Variants in LRRC4C observed in about 807,000 individuals in gnomAD.
LRRC4C encodes the protein leucine rich repeat containing 4C, also known as leucine-rich repeat-containing protein 4C.
In LRRC4C, 5 loss-of-function variants were observed where a neutral mutation model predicts 33.6. The observed-to-expected ratio is 0.15, with a 90% confidence interval of 0.08 to 0.31. The LOEUF is 0.31. LRRC4C is among the 10% of genes least tolerant of loss of function. LRRC4C has a pLI of 1.00. For synonymous variants in LRRC4C, 329 were observed against 302.0 expected, an observed-to-expected ratio of 1.09 and a Z score of -0.93; for missense variants, 560 against 796.7, an observed-to-expected ratio of 0.70 and a Z score of 3.58.
chr11:40,998,769 T>C (rs1241640177), intron 1 of LRRC4C, among the ~76,000 whole-genome samples: 1 of 152,112 alleles, frequency 6.6e-6, no homozygotes, highest in Non-Finnish European at 1.5e-5. Flanking sequence ...AGGATTTCAG[T>C]AACAAAGGAT....
chr11:40,872,219 G>A (rs1954685158), intron 2 of LRRC4C, among the ~76,000 whole-genome samples: 1 of 151,930 alleles, frequency 6.6e-6, no homozygotes, highest in African/African-American at 2.4e-5. Flanking sequence ...TTCCTGTTAG[G>A]GCAAGCCTGC....
At chr11:40,591,029 T>C (rs1240394853) in intron 3 of LRRC4C, among the ~76,000 whole-genome samples, 1 of 152,156 alleles carries the variant, frequency 6.6e-6, no homozygotes, top group African/African-American at 2.4e-5. Context: ...CCTGGCTGCT[T>C]TGTTTACCTA....
intron 5 of LRRC4C, among the ~76,000 whole-genome samples, chr11:40,231,345 T>C (rs1347594531): frequency 6.6e-6 from 1 of 152,218 alleles, no homozygotes; most frequent in African/African-American, 2.4e-5. Context: ...ATATGTCATT[T>C]TGAATATCAC....
At position 41,032,726 on chromosome 11, in the gene LRRC4C, G is replaced by GA. The variant is rs397966264; in HGVS notation, c.-495-99004dup. Among the ~76,000 whole-genome samples, 366 of 150,746 alleles carry GA rather than the reference G, an allele frequency of 2.4e-3. 2 individuals are homozygous for GA. The highest frequency in any genetic ancestry group is 8.4e-3 in the African/African-American group (346 of 41,156). Reference sequence around the variant, plus strand: ...ATCATTTAGTAACTGAAAAAAGGGGGAAAAAAAACACAAGCAGTAATACAT... The same window carrying GA: ...ATCATTTAGTAACTGAAAAAAGGGGGAAAAAAAAACACAAGCAGTAATACAT... On this transcript the variant is annotated intron_variant, in intron 1 of 6. Coordinates refer to ENST00000528697, the MANE Select transcript of LRRC4C (RefSeq NM_001258419.2).
rs149062075 is a variant in LRRC4C at position 41,025,289 on chromosome 11, G to A, written c.-495-91566C>T. 2.4e-3 allele frequency among the ~76,000 whole-genome samples: 368 copies of A among 151,684 alleles called. 2 individuals carry two copies. The highest frequency in any genetic ancestry group is 8.4e-3 in the African/African-American group (350 of 41,482). ...AGATATGTTAAAAGCTAGGCCTCTT[G>A]TGCCAAACAATTAGCCAAGTTGTGA... is the stretch of plus-strand genomic sequence containing the variant. On this transcript the variant is annotated intron_variant, in intron 1 of 6. Transcript: ENST00000528697.
intron 2 of LRRC4C, among the ~76,000 whole-genome samples, chr11:40,829,206 C>T (rs1157009341): frequency 6.6e-6 from 1 of 151,840 alleles, no homozygotes; most frequent in Middle Eastern, 3.2e-3. Context: ...ATAAAGAGTA[C>T]AAATTTAGGC....
intron 4 of LRRC4C, among the ~76,000 whole-genome samples, chr11:40,250,009 CT>C (rs1482717575): frequency 6.6e-6 from 1 of 152,192 alleles, no homozygotes; most frequent in East Asian, 1.9e-4. Context: ...ATGTTTGCAA[CT>C]TCTGCTTCTT....
intron 1 of LRRC4C, among the ~76,000 whole-genome samples, chr11:41,085,021 A>G (rs1453730765): frequency 6.6e-6 from 1 of 152,128 alleles, no homozygotes; most frequent in African/African-American, 2.4e-5. Flanking sequence ...AACTCCCAAT[A>G]TTAGCCAAGA....
At chr11:40,838,683 C>A (rs77408115) in intron 2 of LRRC4C, among the ~76,000 whole-genome samples, 6 of 151,716 alleles carry the variant, frequency 4.0e-5, no homozygotes, top group Non-Finnish European at 8.8e-5. Context: ...TAGTAACTGA[C>A]CCAAACACCC....
At chr11:40,437,486 C>T (rs77471349) in intron 3 of LRRC4C, among the ~76,000 whole-genome samples, 2 of 151,812 alleles carry the variant, frequency 1.3e-5, no homozygotes, top group East Asian at 1.9e-4. Context: ...CTCTGCCCGC[C>T]ATGTTCCAGC....
At chr11:41,396,788 GA>G (rs1953835433) in intron 1 of LRRC4C, among the ~76,000 whole-genome samples, 2 of 151,938 alleles carry the variant, frequency 1.3e-5, no homozygotes. Context: ...CACGGGCAAA[GA>G]TTTCATGATG....
At chr11:41,365,565 T>C (rs1227641140) in intron 1 of LRRC4C, among the ~76,000 whole-genome samples, 1 of 152,148 alleles carries the variant, frequency 6.6e-6, no homozygotes, top group African/African-American at 2.4e-5. Flanking sequence ...TTGTTCTTAA[T>C]AAATATGAAA....
At chr11:40,176,386 C>T (rs998672798) in intron 5 of LRRC4C, among the ~76,000 whole-genome samples, 1 of 152,084 alleles carries the variant, frequency 6.6e-6, no homozygotes, top group African/African-American at 2.4e-5. Context: ...AGAACAGTGT[C>T]TGTCACATGG....
At chr11:40,342,919 T>C (rs900820504) in intron 3 of LRRC4C, among the ~76,000 whole-genome samples, 2 of 152,120 alleles carry the variant, frequency 1.3e-5, no homozygotes, top group African/African-American at 4.8e-5. Flanking sequence ...TCTAGTCATC[T>C]CTCCATCTAT....
intron 1 of LRRC4C, among the ~76,000 whole-genome samples, chr11:40,952,546 A>C (rs1052627698): frequency 9.9e-5 from 15 of 151,948 alleles, no homozygotes; most frequent in Admixed American, 7.2e-4. Flanking sequence ...ATGCAAATGT[A>C]ATATATTTCA....
chr11:40,186,584 C>T (rs1475812479), intron 5 of LRRC4C, among the ~76,000 whole-genome samples: 4 of 152,160 alleles, frequency 2.6e-5, no homozygotes, highest in Non-Finnish European at 5.9e-5. Context: ...GGATGTATGA[C>T]GCCTAGTCTA....
intron 1 of LRRC4C, among the ~76,000 whole-genome samples, chr11:41,254,891 T>C (rs1948751765): frequency 6.6e-6 from 1 of 152,056 alleles, no homozygotes; most frequent in South Asian, 2.1e-4. Flanking sequence ...AAATAGAATA[T>C]ATCAAGCAAC....
intron 2 of LRRC4C, among the ~76,000 whole-genome samples, chr11:40,736,164 GC>G (rs1025453769): frequency 2.0e-5 from 3 of 151,392 alleles, no homozygotes; most frequent in East Asian, 1.9e-4. Context: ...ATCTCTCCTT[GC>G]CCCCCACCCC....
chr11:40,470,265 C>A (rs4595533), intron 3 of LRRC4C, among the ~76,000 whole-genome samples: 78,681 of 152,030 alleles, frequency 0.52, 20,580 homozygotes, highest in East Asian at 0.72. Context: ...ACCTCTAGCA[C>A]ACTCCAGCAG....
Sources: gnomAD v4.1 joint callset for allele counts (sites outside exome capture counted in the v4.1 genomes callset) on GRCh38, gnomAD v4.1.1 for gene constraint, MANE v1.5 for transcripts, NCBI Gene and HGNC (gene_info 2026-07-23, HGNC 2026-07-21) for gene names.